Variants in FAF2 observed in about 807,000 individuals in gnomAD.
The protein encoded by FAF2 is FAS-associated factor 2.
A neutral mutation model predicts 62.3 loss-of-function variants in FAF2; 9 were observed. The observed-to-expected ratio is 0.14, with a 90% CI of 0.09 to 0.25. The LOEUF is 0.25. Ranked by LOEUF, FAF2 falls within the 10% of genes least tolerant of loss-of-function variation. The probability of loss-of-function intolerance (pLI) is 1.00; values close to 1 mark genes in which losing one functional copy is unlikely to be tolerated. For missense variants in FAF2, 368 were observed against 556.2 expected, an observed-to-expected ratio of 0.66 and a Z score of 3.40; for synonymous variants, 202 against 198.0, an observed-to-expected ratio of 1.02 and a Z score of -0.17.
chr5:176,486,313 T>TGCAA, intron 2 of FAF2, 42 bp from the exon 3 acceptor site: 1 of 1,606,624 alleles, frequency 6.2e-7, no homozygotes, highest in Non-Finnish European at 8.5e-7. Flanking sequence ...TTGGTTGATT[T>TGCAA]GAGCATCGCT....
At chr5:176,479,985 G>A (rs1758762411) in intron 2 of FAF2, among the ~76,000 whole-genome samples, 1 of 152,114 alleles carries the variant, frequency 6.6e-6, no homozygotes. Context: ...GTGAGCCACC[G>A]CGCCCGGCCA....
intron 4 of FAF2, among the ~76,000 whole-genome samples, chr5:176,491,037 A>G (rs1430190494): frequency 6.6e-6 from 1 of 152,204 alleles, no homozygotes; most frequent in Non-Finnish European, 1.5e-5. Context: ...TTCCAAGTAG[A>G]ATTGTATACA....
intron 2 of FAF2, among the ~76,000 whole-genome samples, chr5:176,481,668 G>A (rs1758786438): frequency 1.3e-5 from 2 of 151,178 alleles, no homozygotes; most frequent in South Asian, 4.2e-4. Context: ...AAAAAAAAAA[G>A]GGAGAGAGAG....
chr5:176,463,112 G>A (rs924231202), intron 1 of FAF2, among the ~76,000 whole-genome samples: 22 of 152,098 alleles, frequency 1.4e-4, no homozygotes, highest in African/African-American at 5.3e-4. Flanking sequence ...ATTAATAGGG[G>A]CCAGGCCTGG....
Position 176,499,013 on chromosome 5 carries a change from G to A in FAF2, c.939G>A (p.Glu313=). 6.2e-7 allele frequency: 1 copy of A among 1,613,494 alleles called. No homozygotes were observed. Among genetic ancestry groups the A allele is most frequent in the Non-Finnish European group, 8.5e-7 (1 of 1,179,612 alleles). ...AGGAGAAAGAAAGAAAGAAACGGGA[G>A]GAGCGGGAGCGTAAGCGGCGGAAGG... The part of the protein sequence containing the change: ...ADQEKERKKR[E]ERERKRRKEE... Residue 313 remains glutamate (E), a synonymous_variant, in exon 9 of 11, where the codon GAG becomes GAA. Transcript: ENST00000261942.
chr5:176,504,056 G>A (rs543319344), intron 10 of FAF2, among the ~76,000 whole-genome samples: 90 of 151,964 alleles, frequency 5.9e-4, no homozygotes, highest in African/African-American at 1.9e-3. Context: ...ACAGTAAGCC[G>A]AGATCGTGCC....
rs1755569328 is a variant in FAF2 at position 176,500,124 on chromosome 5, T to A, written c.1133T>A (p.Phe378Tyr). The A allele has an allele frequency of 6.2e-7, 1 of 1,614,034 alleles. No individual in the cohort carries two copies. Among genetic ancestry groups the A allele is most frequent in the Admixed American group, 1.7e-5 (1 of 59,992 alleles). The change falls in exon 10 of 11, where the codon TTC (phenylalanine) becomes TAC (tyrosine). Residue 378 changes from phenylalanine to tyrosine, a missense_variant. By Grantham distance (22) the Phe-to-Tyr change is conservative. Transcript: ENST00000261942. ...AATGATTCTCGAGTAGAGAGACGAT[T>A]CCACTTTTCACAGTCTCTAACAGTA... ...LPNDSRVERR[F>Y]HFSQSLTVIH...
rs1759037735 is a variant in FAF2, at chr5:176,494,969, T to G, written c.661+694T>G. Among the ~76,000 whole-genome samples the G allele has an allele frequency of 1.3e-5, 2 of 152,224 alleles. No individual in the cohort carries two copies. Among genetic ancestry groups the G allele is most frequent in the Admixed American group, 6.5e-5 (1 of 15,276 alleles). ...CCCAGTCTTGGCTAGCAGCTTGCTT[T>G]TAATCTTAATGGGCTTTTTACTGAA... On this transcript the variant is annotated intron_variant, in intron 7 of 10. Transcript: ENST00000261942. The surrounding 1 kb of genome is among the most constrained non-coding windows in gnomAD (Gnocchi z 4.0).
rs1758103968 is a variant in FAF2, at chr5:176,448,395, A to AGGC, written c.-6_-4dup. The AGGC allele has an allele frequency of 6.2e-7, 1 of 1,603,068 alleles. No homozygotes were observed. The highest frequency in any genetic ancestry group is 8.5e-7 in the Non-Finnish European group (1 of 1,175,386). On this transcript the variant is annotated 5_prime_UTR_variant, in exon 1 of 11. Coordinates refer to ENST00000261942, the MANE Select transcript of FAF2 (RefSeq NM_014613.3). ...CGGTGCGGACGGGTCAGGAGCGTAG[A>AGGC]GGCGGCGGCAAAATGGCGGCGCCTG...
chr5:176,492,445 T>A, intron 5 of FAF2, 113 bp downstream of exon 5: 3 of 1,160,248 alleles, frequency 2.6e-6, no homozygotes, highest in Non-Finnish European at 3.5e-6. Context: ...CTTAATTAGC[T>A]CTTCACTGCT....
chr5:176,471,727 C>G (rs1758574037), intron 1 of FAF2, among the ~76,000 whole-genome samples: 1 of 147,870 alleles, frequency 6.8e-6, no homozygotes, highest in Non-Finnish European at 1.5e-5. Context: ...CTGTCTGTCA[C>G]CTGGGCTGGA....
intron 1 of FAF2, among the ~76,000 whole-genome samples, chr5:176,455,448 C>CA (rs545479171): frequency 0.028 from 4,046 of 144,636 alleles, 176 homozygotes; most frequent in African/African-American, 0.096. Context: ...GACCCTGTCT[C>CA]AAAAAAAAAA....
At chr5:176,478,571 A>G (rs1758740881) in intron 1 of FAF2, among the ~76,000 whole-genome samples, 1 of 152,260 alleles carries the variant, frequency 6.6e-6, no homozygotes, top group Non-Finnish European at 1.5e-5. Flanking sequence ...ATAAAATGAA[A>G]TAAGTTAATG....
intron 4 of FAF2, among the ~76,000 whole-genome samples, chr5:176,490,017 G>C (rs951652807): frequency 9.9e-5 from 15 of 152,182 alleles, no homozygotes; most frequent in African/African-American, 3.1e-4. Context: ...CAGAAAATGA[G>C]TGGGGCTCAA....
intron 1 of FAF2, among the ~76,000 whole-genome samples, chr5:176,471,122 AAAAT>A: frequency 6.6e-6 from 1 of 152,272 alleles, no homozygotes; most frequent in South Asian, 2.1e-4. Context: ...CCCTACCTCT[AAAAT>A]AAACCCCAAA....
intron 1 of FAF2, among the ~76,000 whole-genome samples, chr5:176,456,492 A>G (rs1020452110): frequency 3.9e-5 from 6 of 152,308 alleles, no homozygotes; most frequent in African/African-American, 1.4e-4. Context: ...AAGATGCTCA[A>G]ATCTTTAAGG....
chr5:176,468,610 T>G (rs952038588), intron 1 of FAF2, among the ~76,000 whole-genome samples: 59 of 151,382 alleles, frequency 3.9e-4, no homozygotes, highest in African/African-American at 1.4e-3. Flanking sequence ...GTAAATAGAT[T>G]CCCTCCTCAA....
At chr5:176,502,970 C>G (rs1222829426) in intron 10 of FAF2, among the ~76,000 whole-genome samples, 1 of 151,860 alleles carries the variant, frequency 6.6e-6, no homozygotes, top group African/African-American at 2.4e-5. Flanking sequence ...ATTGCTTGAA[C>G]CCGGGAGGCA....
chr5:176,456,304 T>G (rs532932277), intron 1 of FAF2, among the ~76,000 whole-genome samples: 1 of 152,300 alleles, frequency 6.6e-6, no homozygotes. Flanking sequence ...ATTCCTGACC[T>G]GAGGTGATCC....
Sources: allele counts gnomAD v4.1 joint callset (sites outside exome capture counted in the v4.1 genomes callset), GRCh38; gene constraint gnomAD v4.1.1; non-coding constraint Gnocchi (gnomAD v3.1); transcripts MANE v1.5; gene names NCBI Gene and HGNC (gene_info 2026-07-23, HGNC 2026-07-21).